CCDC187: variants seen among roughly 807,000 people sequenced by gnomAD.
CCDC187 encodes the protein coiled-coil domain-containing protein 187.
In CCDC187, 32 loss-of-function variants were observed where a neutral mutation model predicts 38.0. The observed-to-expected ratio is 0.84, with a 90% CI of 0.64 to 1.13. The LOEUF (loss-of-function observed/expected upper bound fraction) is 1.13, where lower values mean the gene tolerates loss of function less well. Among genes scored for constraint, CCDC187 ranks in the 50% most tolerant of loss-of-function variants. CCDC187 has a pLI of 0.00. For missense variants in CCDC187, 707 were observed against 786.8 expected, an observed-to-expected ratio of 0.90 and a Z score of 1.21; for synonymous variants, 333 against 347.9, an observed-to-expected ratio of 0.96 and a Z score of 0.48.
chr9:136,250,244 G>GGTTTTCCT lies in CCDC187; in HGVS notation c.*3342_*3349dup, dbSNP rs1214135743. ...CGCTGTCCTTGGAAGCCCTGGCCCG[G>GGTTTTCCT]GTTTTCCTTCGTTCCTCACGACCAG... is the stretch of plus-strand genomic sequence containing the variant. On this transcript the variant is annotated 3_prime_UTR_variant, in exon 26 of 26. Coordinates refer to ENST00000638797, the MANE Select transcript of CCDC187 (RefSeq NM_001378188.1). 6.0e-6 allele frequency: 1 copy of GGTTTTCCT among 166,646 alleles called. No individual in the cohort carries two copies. The highest frequency in any genetic ancestry group is 1.3e-5 in the Non-Finnish European group (1 of 75,928). 10.3% of individuals were successfully genotyped at this position (166,646 alleles called of 1,614,324 possible).
intron 9 of CCDC187, 77 bp downstream of exon 9, chr9:136,285,430 GGTGGGC>G (rs1831153299): frequency 1.7e-4 from 5 of 30,118 alleles, no homozygotes; most frequent in Non-Finnish European, 3.6e-4. Context: ...TGGGCGGGCA[GGTGGGC>G]AGGTGGGCAG....
intron 14 of CCDC187, among the ~76,000 whole-genome samples, chr9:136,268,929 C>G (rs1554762007): frequency 6.6e-6 from 1 of 152,064 alleles, no homozygotes; most frequent in Non-Finnish European, 1.5e-5. Context: ...CTGGAGGACT[C>G]CCTGGGTAGA....
At chr9:136,289,848 C>T in intron 7 of CCDC187, 111 bp downstream of exon 7, 1 of 395,032 alleles carries the variant, frequency 2.5e-6, no homozygotes, top group Non-Finnish European at 4.5e-6. Context: ...ACCTGAGGAG[C>T]CTCTCGGTCA....
chr9:136,262,833 C>T (rs1830695377), intron 18 of CCDC187, among the ~76,000 whole-genome samples: 9 of 152,170 alleles, frequency 5.9e-5, no homozygotes, highest in Admixed American at 5.9e-4. Context: ...TGCTGCCCTC[C>T]CTGCCTTACA....
chr9:136,268,338 C>G (rs1554761954), intron 14 of CCDC187, among the ~76,000 whole-genome samples: 1 of 152,200 alleles, frequency 6.6e-6, no homozygotes, highest in East Asian at 1.9e-4. Flanking sequence ...GTTTGTGACC[C>G]TACTGATCAT....
In CCDC187 at chr9:136,254,176, C is replaced by T. The variant is rs74347783; in HGVS notation, c.5652G>A (p.Ser1884=). Residue 1884 remains serine (S), a synonymous_variant, in exon 26 of 26, where the codon TCG becomes TCA. Transcript: ENST00000638797. ...ACGAAGGAAAGACCAGCAGTGAGTC[C>T]GAGTCACCGGCAGAAGAGATTTGCA... ...FPLQISSAGD[S]DSLLVFPSWT... 1.0e-3 allele frequency: 988 copies of T among 985,450 alleles called. 2 individuals are homozygous for T. The highest frequency in any genetic ancestry group is 8.7e-3 in the African/African-American group (500 of 57,328). 61.0% of individuals were successfully genotyped at this position (985,450 alleles called of 1,614,324 possible).
chr9:136,284,976 C>T (rs899948349), intron 9 of CCDC187, among the ~76,000 whole-genome samples: 10 of 152,078 alleles, frequency 6.6e-5, no homozygotes, highest in African/African-American at 2.4e-4. Context: ...GATGCTCCCC[C>T]AGGGGGAGGG....
chr9:136,250,632 C>A lies in CCDC187; in HGVS notation c.*2962G>T. ...GCTGTAGCTCAGCTCAAAGTTTGTT[C>A]TGAAATTGGGAGCATGGAGCAGGAA... is the stretch of plus-strand genomic sequence containing the variant. On this transcript the variant is annotated 3_prime_UTR_variant, in exon 26 of 26. Transcript: ENST00000638797. The A allele has an allele frequency of 2.5e-6, 1 of 406,708 alleles. No individual in the cohort carries two copies. The highest frequency in any genetic ancestry group is 5.0e-6 in the Non-Finnish European group (1 of 198,210). 25.2% of individuals were successfully genotyped at this position (406,708 alleles called of 1,614,324 possible). A position where few individuals can be genotyped will look rare whatever the true frequency, so the allele number is the denominator to read the frequency against.
intron 4 of CCDC187, among the ~76,000 whole-genome samples, chr9:136,297,470 G>A (rs904084690): frequency 1.3e-4 from 20 of 152,238 alleles, no homozygotes; most frequent in African/African-American, 3.4e-4. Flanking sequence ...CAAGGGACAC[G>A]CCCCTGCCCG....
chr9:136,270,215 GAGAA>G (rs775773645), intron 14 of CCDC187, among the ~76,000 whole-genome samples: 1 of 152,210 alleles, frequency 6.6e-6, no homozygotes, highest in African/African-American at 2.4e-5. Context: ...AAGGCAAAGA[GAGAA>G]AGAGAAAACA....
In CCDC187 at chr9:136,251,049, A is replaced by G. The variant is rs782414748; in HGVS notation, c.*2545T>C. 1 of 456,140 alleles carries G rather than the reference A, an allele frequency of 2.2e-6. No homozygotes were observed. Among genetic ancestry groups the G allele is most frequent in the South Asian group, 1.5e-5 (1 of 64,572 alleles). 28.3% of individuals were successfully genotyped at this position (456,140 alleles called of 1,614,324 possible). Reference sequence around the variant, plus strand: ...GCCTCCCACCAGACTGCATGCATAAAGTCTGGAGTATGCTCCTCTCTGAAG... The same window carrying G: ...GCCTCCCACCAGACTGCATGCATAAGGTCTGGAGTATGCTCCTCTCTGAAG... On this transcript the variant is annotated 3_prime_UTR_variant, in exon 26 of 26. Transcript: ENST00000638797.
Position 136,292,687 on chromosome 9 carries a change from G to T in CCDC187, c.833-392C>A, listed in dbSNP as rs1227725389. Among the ~76,000 whole-genome samples the T allele has an allele frequency of 8.5e-5, 13 of 152,190 alleles. 1 individual carries two copies. In the East Asian group the frequency reaches 2.1e-3, roughly 25 times the overall value. On this transcript the variant is annotated intron_variant, in intron 4 of 25. Transcript: ENST00000638797. ...AGCAGCAGCAGCTGGAGTGACAACC[G>T]CGAGCCAGCAGCCCCACCCTCCGCT...
upstream of CCDC187, among the ~76,000 whole-genome samples, chr9:136,306,637 G>T (rs1488378234): frequency 6.6e-6 from 1 of 152,184 alleles, no homozygotes; most frequent in Non-Finnish European, 1.5e-5. Context: ...TGTGTCCAGG[G>T]TCCCAGCAGG....
Position 136,254,455 on chromosome 9 carries a change from C to G in CCDC187, c.5373G>C (p.Leu1791=). ...SGSSLPAGGS[L]GLGSGVEPQV... ...GGGGCTCCACGCCGCTTCCAAGGCCCAGTGAGCCACCTGCAGGCAGGGAGC... is the reference window on the plus strand; with the variant it reads ...GGGGCTCCACGCCGCTTCCAAGGCCGAGTGAGCCACCTGCAGGCAGGGAGC... The change falls in exon 26 of 26, where the codon CTG becomes CTC. Residue 1791 remains leucine (L), a synonymous_variant. Transcript: ENST00000638797. 1 of 985,408 alleles carries G rather than the reference C, an allele frequency of 1.0e-6. No homozygotes were observed. Among genetic ancestry groups the G allele is most frequent in the African/African-American group, 1.7e-5 (1 of 57,336 alleles). The allele number at this position is 985,408 out of a possible 1,614,324, so 61.0% of individuals were successfully genotyped here. A position where few individuals can be genotyped will look rare whatever the true frequency, so the allele number is the denominator to read the frequency against.
At position 136,293,475 on chromosome 9, in the gene CCDC187, A is replaced by T. The variant is rs1289666666; in HGVS notation, c.833-1180T>A. ...TGCTCACACTCACACTCACATGCTCACACACTCACAAACACATGCTCACAC... is the reference window on the plus strand; with the variant it reads ...TGCTCACACTCACACTCACATGCTCTCACACTCACAAACACATGCTCACAC... On this transcript the variant is annotated intron_variant, in intron 4 of 25. Transcript: ENST00000638797. 1.7e-3 allele frequency among the ~76,000 whole-genome samples: 247 copies of T among 147,828 alleles called. 2 individuals are homozygous for T. The highest frequency in any genetic ancestry group is 4.1e-3 in the Admixed American group (62 of 14,972).
chr9:136,273,523 G>A (rs1453388956), intron 14 of CCDC187, among the ~76,000 whole-genome samples: 7 of 152,204 alleles, frequency 4.6e-5, no homozygotes, highest in Admixed American at 3.9e-4. Flanking sequence ...TACACGAAGC[G>A]AAACCTGGTA....
chr9:136,288,460 TGGGAG>T (rs1831233584), intron 7 of CCDC187, among the ~76,000 whole-genome samples: 1 of 151,928 alleles, frequency 6.6e-6, no homozygotes, highest in South Asian at 2.1e-4. Flanking sequence ...CTCTGGTGGG[TGGGAG>T]CCCCTCCCTG....
intron 25 of CCDC187, among the ~76,000 whole-genome samples, chr9:136,255,435 T>C (rs1588648264): frequency 6.6e-6 from 1 of 152,254 alleles, no homozygotes; most frequent in African/African-American, 2.4e-5. Flanking sequence ...TTTATTTTCA[T>C]TAGGGATGTG....
chr9:136,295,074 G>C (rs958762236), intron 4 of CCDC187, among the ~76,000 whole-genome samples: 3 of 152,246 alleles, frequency 2.0e-5, no homozygotes, highest in Non-Finnish European at 2.9e-5. Flanking sequence ...GCAGGAGTTA[G>C]GCCTGGAAGA....
Sources: gnomAD v4.1 joint callset for allele counts (sites outside exome capture counted in the v4.1 genomes callset) on GRCh38, gnomAD v4.1.1 for gene constraint, MANE v1.5 for transcripts, NCBI Gene and HGNC (gene_info 2026-07-23, HGNC 2026-07-21) for gene names.